NT5DC1: variants seen among roughly 807,000 people sequenced by gnomAD.
NT5DC1 encodes the protein 5'-nucleotidase domain-containing protein 1.
Under a neutral mutation model 59.4 loss-of-function variants are expected in NT5DC1, and 42 were observed. That is an observed-to-expected ratio of 0.71 (90% CI 0.55 to 0.92). The LOEUF (loss-of-function observed/expected upper bound fraction) is 0.92. NT5DC1 is among the 40% of genes least tolerant of loss of function. The pLI is 0.00. For synonymous variants in NT5DC1, 172 were observed against 188.1 expected, an observed-to-expected ratio of 0.91 and a Z score of 0.70; for missense variants, 501 against 537.1, an observed-to-expected ratio of 0.93 and a Z score of 0.66.
intron 6 of NT5DC1, chr6:116,125,880 G>T (rs1779286420): frequency 5.0e-6 from 1 of 200,960 alleles, no homozygotes; most frequent in Admixed American, 5.5e-5. Context: ...GTTTTATTGG[G>T]ACTATCATCC....
chr6:116,124,207 T>C (rs1779223904), intron 6 of NT5DC1, among the ~76,000 whole-genome samples: 1 of 152,132 alleles, frequency 6.6e-6, no homozygotes, highest in Non-Finnish European at 1.5e-5. Context: ...GTTTCATTGC[T>C]CAAAATGGTT....
chr6:116,162,563 T>G (rs1199698033), intron 6 of NT5DC1, among the ~76,000 whole-genome samples: 1 of 152,232 alleles, frequency 6.6e-6, no homozygotes, highest in Non-Finnish European at 1.5e-5. Flanking sequence ...TCTGTTTATG[T>G]GGTGAATCAC....
chr6:116,239,066 T>C lies in NT5DC1; in HGVS notation c.1195T>C (p.Cys399Arg). 6.2e-7 allele frequency: 1 copy of C among 1,612,652 alleles called. No homozygotes were observed. The highest frequency in any genetic ancestry group is 1.1e-5 in the South Asian group (1 of 91,022). ...TEDSLVYTWS[C>R]KRISTYSTIA... ...AGACTCCTTGGTTTATACATGGTCTTGTAAGAGAATCAGTACTTACAGCAC... is the reference window on the plus strand; with the variant it reads ...AGACTCCTTGGTTTATACATGGTCTCGTAAGAGAATCAGTACTTACAGCAC... The change falls in exon 11 of 12, where the codon TGT becomes CGT. Residue 399 changes from cysteine (C) to arginine (R), a missense_variant. Coordinates refer to ENST00000319550, the MANE Select transcript of NT5DC1 (RefSeq NM_152729.3).
Position 116,203,239 on chromosome 6 carries a change from C to T in NT5DC1, c.530-17815C>T, listed in dbSNP as rs533069548. Among the ~76,000 whole-genome samples the T allele has an allele frequency of 6.5e-4, 98 of 151,922 alleles. 2 individuals carry two copies. In the South Asian group the frequency reaches 0.02, roughly 31 times the overall value. On this transcript the variant is annotated intron_variant, in intron 6 of 11. Transcript: ENST00000319550. ...TTCTGATTTAACACTTGTTTTTATT[C>T]TATTTCTTGGATTCATTTTCATGGT...
intron 6 of NT5DC1, chr6:116,121,049 C>A (rs1364999561): frequency 1.9e-6 from 3 of 1,613,966 alleles, no homozygotes; most frequent in African/African-American, 2.7e-5. Context: ...GCCTGGGAGA[C>A]CATGGCTACC....
intron 6 of NT5DC1, chr6:116,121,791 C>G (rs752878392): frequency 3.7e-6 from 6 of 1,613,776 alleles, no homozygotes; most frequent in Non-Finnish European, 5.1e-6. Context: ...CCTGGCACAC[C>G]TGGTTTCCCT....
intron 6 of NT5DC1, among the ~76,000 whole-genome samples, chr6:116,147,715 A>G (rs1779933953): frequency 6.6e-6 from 1 of 152,188 alleles, no homozygotes; most frequent in Non-Finnish European, 1.5e-5. Flanking sequence ...ATGCACATTC[A>G]CCCAAGAATT....
At chr6:116,186,334 C>G (rs1780998031) in intron 6 of NT5DC1, among the ~76,000 whole-genome samples, 1 of 150,722 alleles carries the variant, frequency 6.6e-6, no homozygotes, top group South Asian at 2.1e-4. Flanking sequence ...CTTTAGATAA[C>G]CTGGTGACTG....
intron 5 of NT5DC1, among the ~76,000 whole-genome samples, chr6:116,116,377 C>T (rs1470832056): frequency 6.6e-6 from 1 of 152,194 alleles, no homozygotes; most frequent in Non-Finnish European, 1.5e-5. Context: ...GGTGCAGTGG[C>T]TTACGCCTGT....
At chr6:116,166,284 C>A (rs1780463820) in intron 6 of NT5DC1, among the ~76,000 whole-genome samples, 2 of 152,194 alleles carry the variant, frequency 1.3e-5, no homozygotes, top group South Asian at 4.1e-4. Context: ...TCATCTATGT[C>A]TTTGATCTTC....
chr6:116,228,622 G>A (rs548573317), intron 8 of NT5DC1, among the ~76,000 whole-genome samples: 1 of 152,206 alleles, frequency 6.6e-6, no homozygotes, highest in Non-Finnish European at 1.5e-5. Flanking sequence ...TATTTCAGTG[G>A]AAGAAATATT....
rs763111749 is a variant in NT5DC1, at chr6:116,244,849, T to C, written c.*825T>C. On this transcript the variant is annotated 3_prime_UTR_variant, in exon 12 of 12. Transcript: ENST00000319550. Reference sequence around the variant, plus strand: ...TACCCACTAGGTTTTTTTCTAATAATGTTAAAGGCTATTTAATTTATTTAA... The same window carrying C: ...TACCCACTAGGTTTTTTTCTAATAACGTTAAAGGCTATTTAATTTATTTAA... 1 of 152,200 alleles carries C rather than the reference T, an allele frequency of 6.6e-6. No homozygotes were observed. The highest frequency in any genetic ancestry group is 1.5e-5 in the Non-Finnish European group (1 of 68,026). 9.4% of individuals were successfully genotyped at this position (152,200 alleles called of 1,614,324 possible). A position where few individuals can be genotyped will look rare whatever the true frequency, so the allele number is the denominator to read the frequency against.
chr6:116,229,792 CCT>C (rs150325214), intron 8 of NT5DC1, among the ~76,000 whole-genome samples: 3 of 150,876 alleles, frequency 2.0e-5, no homozygotes, highest in Admixed American at 6.6e-5. Context: ...CTCTGTCTCT[CCT>C]CTCTCTCTCT....
intron 4 of NT5DC1, among the ~76,000 whole-genome samples, chr6:116,112,901 C>T (rs1778906439): frequency 6.6e-6 from 1 of 152,118 alleles, no homozygotes; most frequent in Non-Finnish European, 1.5e-5. Flanking sequence ...GTATATTAAT[C>T]CTCAGAGTTA....
chr6:116,111,004 G>C (rs763187842), intron 4 of NT5DC1, 48 bp downstream of exon 4: 57 of 1,294,348 alleles, frequency 4.4e-5, no homozygotes, highest in Non-Finnish European at 6.0e-5. Context: ...TGTTTGTTTT[G>C]TACCCTAAAC....
intron 6 of NT5DC1, among the ~76,000 whole-genome samples, chr6:116,140,979 G>T (rs1330108578): frequency 6.6e-6 from 1 of 152,104 alleles, no homozygotes; most frequent in Non-Finnish European, 1.5e-5. Context: ...GTATACCTAG[G>T]AGTGGTATAT....
intron 4 of NT5DC1, among the ~76,000 whole-genome samples, chr6:116,113,410 G>T (rs373822406): frequency 6.6e-6 from 1 of 152,202 alleles, no homozygotes; most frequent in Non-Finnish European, 1.5e-5. Context: ...AAACTTAATG[G>T]TTATAGGACT....
chr6:116,196,224 A>C (rs1781224551), intron 6 of NT5DC1, among the ~76,000 whole-genome samples: 1 of 151,980 alleles, frequency 6.6e-6, no homozygotes, highest in Non-Finnish European at 1.5e-5. Flanking sequence ...CCCAGCAATG[A>C]CCTTCAGGAA....
intron 8 of NT5DC1, among the ~76,000 whole-genome samples, chr6:116,231,463 ACC>A: frequency 6.6e-6 from 1 of 152,228 alleles, no homozygotes; most frequent in South Asian, 2.1e-4. Context: ...TTATTTAGTA[ACC>A]TCTAACAAGT....
Sources: allele counts gnomAD v4.1 joint callset (sites outside exome capture counted in the v4.1 genomes callset), GRCh38; gene constraint gnomAD v4.1.1; transcripts MANE v1.5; gene names NCBI Gene and HGNC (gene_info 2026-07-23, HGNC 2026-07-21).